LONRF3: variants seen among roughly 807,000 people sequenced by gnomAD.
The protein encoded by LONRF3 is LON peptidase N-terminal domain and ring finger 3, also known as LON peptidase N-terminal domain and RING finger protein 3.
In LONRF3, 19 loss-of-function variants were observed where a neutral mutation model predicts 51.7. The ratio of observed to expected loss-of-function variants is 0.37; its 90% confidence interval spans 0.26 to 0.54. The LOEUF is 0.54. Among genes scored for constraint, LONRF3 ranks in the 20% least tolerant of loss-of-function variants. The pLI is 0.86. For synonymous variants in LONRF3, 265 were observed against 257.8 expected (o/e 1.03, Z -0.27); for missense variants, 521 against 623.9 (o/e 0.84, Z 1.76).
At position 118,981,710 on chromosome X, in the gene LONRF3, G is replaced by A. The variant is rs749751992; in HGVS notation, c.937-1111G>A. Among the ~76,000 whole-genome samples the A allele has an allele frequency of 4.5e-5, 5 of 111,368 alleles. No individual in the cohort carries two copies. In the East Asian group the frequency reaches 1.4e-3, roughly 32 times the overall value. On this transcript the variant is annotated intron_variant, in intron 2 of 10. Transcript: ENST00000371628. The stretch of plus-strand genomic sequence containing the variant: ...AGGCTTCAGAAGGAGCTGGGGGAAT[G>A]CGGAAAGGTCTTCAAGAGGTTTGGA...
intron 10 of LONRF3, among the ~76,000 whole-genome samples, 190 bp from the exon 11 acceptor site, chrX:119,017,345 A>G (rs1245596256): frequency 8.9e-6 from 1 of 112,282 alleles, no homozygotes; most frequent in Non-Finnish European, 1.9e-5. Context: ...AGGGAAGCTG[A>G]GAAATGCAGT....
At chrX:118,988,169 A>G (rs772743836) in intron 3 of LONRF3, among the ~76,000 whole-genome samples, 1 of 111,712 alleles carries the variant, frequency 9.0e-6, no homozygotes. Flanking sequence ...GGTGCGCCCA[A>G]CTTTTCTTAA....
At chrX:119,002,392 A>G (rs753442016) in intron 5 of LONRF3, among the ~76,000 whole-genome samples, 2 of 112,380 alleles carry the variant, frequency 1.8e-5, no homozygotes, top group Non-Finnish European at 3.8e-5. Flanking sequence ...AGAATTTATT[A>G]TTTCAATCTG....
chrX:118,993,146 C>A (rs1425386556), intron 5 of LONRF3, among the ~76,000 whole-genome samples: 1 of 110,681 alleles, frequency 9.0e-6, no homozygotes, highest in Non-Finnish European at 1.9e-5. Context: ...CACACTAGTT[C>A]ACCAGCAATG....
rs1233487488 is a variant in LONRF3 at position 119,009,721 on chromosome X, G to A, written c.1652+474G>A. Among the ~76,000 whole-genome samples the A allele has an allele frequency of 2.7e-5, 3 of 111,676 alleles. No homozygotes were observed. The Admixed American group carries it at 2.8e-4, about 11-fold the overall frequency. On this transcript the variant is annotated intron_variant, in intron 7 of 10. Transcript: ENST00000371628. ...GGTCATTTAACCTTTCTGGGCCTTA[G>A]TTTCCTTATCTGTAGCTTGAGAATA...
chrX:118,980,443 G>A (rs1202134144), intron 2 of LONRF3, among the ~76,000 whole-genome samples: 1 of 111,817 alleles, frequency 8.9e-6, no homozygotes, highest in Non-Finnish European at 1.9e-5. Context: ...TGAAAATAAT[G>A]GATTATCAGA....
chrX:118,982,377 A>T (rs1279586787), intron 2 of LONRF3, among the ~76,000 whole-genome samples: 1 of 111,533 alleles, frequency 9.0e-6, no homozygotes, highest in Non-Finnish European at 1.9e-5. Context: ...GTGCTCTTTC[A>T]AGCCACTACT....
At chrX:118,991,083 CCT>C (rs1298657494) in intron 5 of LONRF3, among the ~76,000 whole-genome samples, 2 of 111,478 alleles carry the variant, frequency 1.8e-5, no homozygotes, top group African/African-American at 6.5e-5. Context: ...GTCTCAAACT[CCT>C]GAGCTCAAGT....
intron 1 of LONRF3, 87 bp downstream of exon 1, chrX:118,975,684 T>C: frequency 1.2e-6 from 1 of 804,451 alleles, no homozygotes; most frequent in Non-Finnish European, 1.7e-6. Context: ...GAGAAGGGAT[T>C]TGGACCAGGG....
chrX:118,986,051 AACACACACACAC>A (rs35356301), intron 3 of LONRF3, among the ~76,000 whole-genome samples: 1,450 of 83,666 alleles, frequency 0.017, 15 homozygotes, highest in East Asian at 0.056. Context: ...AGTATATGGA[AACACACACACAC>A]ACACACACAC....
intron 10 of LONRF3, among the ~76,000 whole-genome samples, chrX:119,016,350 C>CTTTTTTTT (rs10640705): frequency 1.1e-5 from 1 of 88,540 alleles, no homozygotes; most frequent in African/African-American, 4.5e-5. Context: ...TTCTTTCTTT[C>CTTTTTTTT]TTTTTTTTTT....
intron 5 of LONRF3, among the ~76,000 whole-genome samples, chrX:119,001,431 C>T (rs901596856): frequency 8.9e-6 from 1 of 112,159 alleles, no homozygotes; most frequent in Admixed American, 9.4e-5. Context: ...GTTATTTTAA[C>T]CTGTCTGGGT....
intron 3 of LONRF3, among the ~76,000 whole-genome samples, chrX:118,984,530 T>C (rs1922811039): frequency 8.9e-6 from 1 of 112,238 alleles, no homozygotes; most frequent in Admixed American, 9.4e-5. Context: ...TCAGTTGGGC[T>C]GACCTGTCTC....
chrX:119,015,097 C>G (rs1925352080), intron 10 of LONRF3, among the ~76,000 whole-genome samples: 1 of 111,610 alleles, frequency 9.0e-6, no homozygotes, highest in Admixed American at 9.5e-5. Context: ...GCTTTGCTTG[C>G]CTGGAATAAA....
At chrX:119,012,784 A>G (rs1925195695) in intron 8 of LONRF3, 1 of 690,653 alleles carries the variant, frequency 1.4e-6, no homozygotes, top group Non-Finnish European at 2.1e-6. Flanking sequence ...AGAGGAGGCA[A>G]ACATTCAAAC....
intron 5 of LONRF3, among the ~76,000 whole-genome samples, chrX:118,994,561 C>T (rs1168287479): frequency 9.9e-5 from 11 of 110,654 alleles, no homozygotes; most frequent in Non-Finnish European, 2.1e-4. Context: ...TGCCACCATG[C>T]CCGGCTAATT....
chrX:119,001,494 A>G (rs140861843), intron 5 of LONRF3, among the ~76,000 whole-genome samples: 5 of 112,464 alleles, frequency 4.4e-5, no homozygotes, highest in African/African-American at 1.6e-4. Context: ...ACCTCTTAAT[A>G]TACAAAGTTA....
At chrX:118,990,116 C>T (rs898848720) in intron 4 of LONRF3, among the ~76,000 whole-genome samples, 15 of 112,109 alleles carry the variant, frequency 1.3e-4, no homozygotes, top group African/African-American at 4.5e-4. Flanking sequence ...TATCTTTCCA[C>T]GAGAGGTTGG....
At chrX:118,982,537 C>T (rs1569475402) in intron 2 of LONRF3, among the ~76,000 whole-genome samples, 1 of 111,730 alleles carries the variant, frequency 9.0e-6, no homozygotes, top group Non-Finnish European at 1.9e-5. Context: ...GGTAGTATGG[C>T]AGAGTGGTTA....
Sources: allele counts gnomAD v4.1 joint callset (sites outside exome capture counted in the v4.1 genomes callset), GRCh38; gene constraint gnomAD v4.1.1; transcripts MANE v1.5; gene names NCBI Gene and HGNC (gene_info 2026-07-23, HGNC 2026-07-21).